Variants in ZXDC observed in about 807,000 individuals in gnomAD.
ZXDC encodes the protein ZXD family zinc finger C, also known as zinc finger protein ZXDC.
Under a neutral mutation model 63.6 loss-of-function variants are expected in ZXDC, and 58 were observed. That is an observed-to-expected ratio of 0.91 (90% confidence interval 0.74 to 1.13). The LOEUF (loss-of-function observed/expected upper bound fraction) is 1.13, where lower values mean the gene tolerates loss of function less well. Among genes scored for constraint, ZXDC ranks in the 50% most tolerant of loss-of-function variants. The pLI is 0.00. For synonymous variants in ZXDC, 561 were observed against 496.1 expected, an observed-to-expected ratio of 1.13 and a Z score of -1.74; for missense variants, 1,133 against 1,148.9, an observed-to-expected ratio of 0.99 and a Z score of 0.20.
intron 4 of ZXDC, among the ~76,000 whole-genome samples, chr3:126,468,463 C>T (rs1296879107): frequency 6.6e-6 from 1 of 152,176 alleles, no homozygotes; most frequent in Non-Finnish European, 1.5e-5. Flanking sequence ...AGAAGAGGTT[C>T]TGGGCTCCTC....
In ZXDC at chr3:126,445,305, C is replaced by A. The variant is rs536466744; in HGVS notation, c.2213-3359G>T. On this transcript the variant is annotated intron_variant, in intron 7 of 9. Coordinates refer to ENST00000389709, the MANE Select transcript of ZXDC (RefSeq NM_025112.5). The stretch of plus-strand genomic sequence containing the variant: ...GAGGGCTGGCAAAGGTGAGGACTTT[C>A]TACGAGAGATGTCCATCCATGCCCC... Among the ~76,000 whole-genome samples, 21 of 152,192 alleles carry A rather than the reference C, an allele frequency of 1.4e-4. No individual in the cohort carries two copies. The South Asian group carries it at 4.4e-3, about 32-fold the overall frequency.
At chr3:126,465,336 T>G (rs1190823762) in intron 5 of ZXDC, among the ~76,000 whole-genome samples, 1 of 152,118 alleles carries the variant, frequency 6.6e-6, no homozygotes, top group Non-Finnish European at 1.5e-5. Flanking sequence ...CCTAGTGGGG[T>G]AGGTTTCCTA....
chr3:126,452,740 TTTTC>T (rs1454489447), intron 7 of ZXDC, among the ~76,000 whole-genome samples: 1 of 122,550 alleles, frequency 8.2e-6, no homozygotes, highest in Non-Finnish European at 1.9e-5. Flanking sequence ...AATCTGCAGT[TTTTC>T]TTTTTTTTTT....
intron 7 of ZXDC, among the ~76,000 whole-genome samples, chr3:126,444,166 TTAC>T: frequency 6.6e-6 from 1 of 152,350 alleles, no homozygotes; most frequent in East Asian, 1.9e-4. Context: ...AACAGTCGCA[TTAC>T]GCTTGCTTTC....
At position 126,461,738 on chromosome 3, in the gene ZXDC, AG is replaced by A; in HGVS notation, c.1923del (p.Ser642LeufsTer83). 6.2e-7 allele frequency: 1 copy of A among 1,613,924 alleles called. No homozygotes were observed. Among genetic ancestry groups the A allele is most frequent in the Non-Finnish European group, 8.5e-7 (1 of 1,179,982 alleles). On this transcript the variant is annotated frameshift_variant, in exon 6 of 10. Transcript: ENST00000389709. LOFTEE classifies it high-confidence loss of function. ...GCATTTTCTCGGGGGGTGCTCGAAG[AG>A]GTCGGTGTGGTGATATGTGCTGCTA... ...SNLAAHITTPTSSSTPRENAS... is the reference protein window; with the variant it reads ...SNLAAHITTPXSSSTPRENAS...
intron 1 of ZXDC, among the ~76,000 whole-genome samples, chr3:126,472,897 C>G (rs1233693918): frequency 6.6e-6 from 1 of 152,222 alleles, no homozygotes; most frequent in East Asian, 1.9e-4. Context: ...GCCAAAGCAG[C>G]TAAGCCTCAA....
At chr3:126,441,432 C>T in intron 8 of ZXDC, 1 of 1,128,120 alleles carries the variant, frequency 8.9e-7, no homozygotes, top group Non-Finnish European at 1.1e-6. Context: ...AAACAGATCT[C>T]ATCCTGCTGC....
At chr3:126,441,322 G>C in intron 8 of ZXDC, 1 of 1,001,046 alleles carries the variant, frequency 1.0e-6, no homozygotes, top group Non-Finnish European at 1.2e-6. Context: ...TAGAAAGGCT[G>C]CTAGTGCGCC....
In ZXDC at chr3:126,461,548, C is replaced by G; in HGVS notation, c.2114G>C (p.Gly705Ala). 1 of 1,608,886 alleles carries G rather than the reference C, an allele frequency of 6.2e-7. No homozygotes were observed. The highest frequency in any genetic ancestry group is 1.1e-5 in the South Asian group (1 of 90,888). Residue 705 changes from glycine to alanine, a missense_variant, in exon 6 of 10, where the codon GGC (glycine) becomes GCC (alanine). Physicochemically the swap from Gly to Ala is moderately conservative, Grantham distance 60 (BLOSUM62 0). Coordinates refer to ENST00000389709, the MANE Select transcript of ZXDC (RefSeq NM_025112.5). The part of the protein sequence containing the change: ...AQDTELSAGT[G>A]NFYLESGGSA... Reference sequence around the variant, plus strand: ...AGTGCTTCATACCAAATAGAAGTTGCCAGTGCCTGCACTGAGCTCTGTGTC... The same window carrying G: ...AGTGCTTCATACCAAATAGAAGTTGGCAGTGCCTGCACTGAGCTCTGTGTC...
At chr3:126,458,839 C>A in intron 7 of ZXDC, 1 of 985,372 alleles carries the variant, frequency 1.0e-6, no homozygotes, top group Non-Finnish European at 1.2e-6. Context: ...GGTGTCCCTT[C>A]CTAAGTCACA....
intron 4 of ZXDC, among the ~76,000 whole-genome samples, chr3:126,469,789 C>T (rs1361753415): frequency 1.3e-5 from 2 of 152,164 alleles, no homozygotes; most frequent in African/African-American, 2.4e-5. Flanking sequence ...CAGCACCCTA[C>T]ATGTTACCTG....
intron 8 of ZXDC, chr3:126,440,220 C>A (rs1399421263): frequency 3.7e-5 from 37 of 996,300 alleles, no homozygotes; most frequent in Non-Finnish European, 4.4e-5. Flanking sequence ...CCCTCACAGT[C>A]CAGGCTAGAA....
At position 126,475,713 on chromosome 3, in the gene ZXDC, G is replaced by T. The variant is rs1476769545; in HGVS notation, c.153C>A (p.Pro51=). The change falls in exon 1 of 10, where the codon CCC becomes CCA. Residue 51 remains proline, a synonymous_variant. Coordinates refer to ENST00000389709, the MANE Select transcript of ZXDC (RefSeq NM_025112.5). The stretch of plus-strand genomic sequence containing the variant: ...CGGAGGCCTCCCCGGGCCGCGCCCC[G>T]GGCCCGCCATCTTCAGGGCCCCGCA... ...LLVRGPEDGG[P]GARPGEASGP... 1.6e-6 allele frequency: 2 copies of T among 1,277,174 alleles called. No homozygotes were observed. The highest frequency in any genetic ancestry group is 2.0e-6 in the Non-Finnish European group (2 of 1,013,384). 79.1% of individuals were successfully genotyped at this position (1,277,174 alleles called of 1,614,324 possible). A position where few individuals can be genotyped will look rare whatever the true frequency, so the allele number is the denominator to read the frequency against.
intron 7 of ZXDC, among the ~76,000 whole-genome samples, chr3:126,456,087 A>C (rs755154981): frequency 1.3e-4 from 20 of 152,256 alleles, no homozygotes; most frequent in Non-Finnish European, 2.8e-4. Context: ...CTTCCTTATA[A>C]AATTAATAAG....
At chr3:126,460,417 G>A (rs1365091557) in intron 6 of ZXDC, 12 of 958,470 alleles carry the variant, frequency 1.3e-5, no homozygotes, top group East Asian at 2.3e-4. Context: ...TCAGAGAAGC[G>A]AGGTAGCCCA....
chr3:126,440,073 C>A, intron 8 of ZXDC: 10 of 1,101,112 alleles, frequency 9.1e-6, no homozygotes, highest in Non-Finnish European at 1.1e-5. Context: ...CCCCCACCAA[C>A]CTTGTGTACC....
At chr3:126,463,626 C>A (rs1047061503) in intron 5 of ZXDC, among the ~76,000 whole-genome samples, 4 of 152,104 alleles carry the variant, frequency 2.6e-5, no homozygotes, top group Admixed American at 2.0e-4. Flanking sequence ...TTAATTTGGG[C>A]AAAAGAGCCA....
chr3:126,449,905 G>C (rs1255683582), intron 7 of ZXDC, among the ~76,000 whole-genome samples: 1 of 152,220 alleles, frequency 6.6e-6, no homozygotes, highest in Non-Finnish European at 1.5e-5. Flanking sequence ...ACAAACCAAA[G>C]TGACAGCAGG....
intron 7 of ZXDC, among the ~76,000 whole-genome samples, chr3:126,444,625 G>A (rs1398265751): frequency 6.6e-6 from 1 of 152,026 alleles, no homozygotes; most frequent in Non-Finnish European, 1.5e-5. Context: ...TTTAAAAGCA[G>A]GCAAGATTTT....
Sources: allele counts gnomAD v4.1 joint callset (sites outside exome capture counted in the v4.1 genomes callset), GRCh38; gene constraint gnomAD v4.1.1; transcripts MANE v1.5; gene names NCBI Gene and HGNC (gene_info 2026-07-23, HGNC 2026-07-21).